FALEC: variants seen among roughly 807,000 people sequenced by gnomAD.
FALEC encodes the protein focally amplified lncRNA on chromosome 1.
the FALEC span, among the ~76,000 whole-genome samples, chr1:150,527,566 T>TGAAAAACTC: frequency 6.6e-6 from 1 of 152,120 alleles, no homozygotes; most frequent in Non-Finnish European, 1.5e-5. Context: ...GCCAAAAACT[T>TGAAAAACTC]AAAAGCTTGA....
the FALEC span, among the ~76,000 whole-genome samples, chr1:150,526,349 CAAAA>C: frequency 3.2e-5 from 2 of 61,824 alleles, no homozygotes; most frequent in East Asian, 5.2e-4. Flanking sequence ...AACTCCGTCT[CAAAA>C]AAAAAAAAAA....
At chr1:150,534,331 T>A in the FALEC span, among the ~76,000 whole-genome samples, 4 of 152,150 alleles carry the variant, frequency 2.6e-5, no homozygotes, top group Non-Finnish European at 1.5e-5. Context: ...GCCGCTGTCG[T>A]CCTCTGAGCA....
the FALEC span, among the ~76,000 whole-genome samples, chr1:150,531,432 G>A: frequency 5.9e-5 from 9 of 151,898 alleles, no homozygotes; most frequent in East Asian, 1.5e-3. Context: ...CCGGGATCTC[G>A]CCACTGCACT....
At chr1:150,528,457 G>A in the FALEC span, among the ~76,000 whole-genome samples, 2 of 152,198 alleles carry the variant, frequency 1.3e-5, no homozygotes, top group Non-Finnish European at 2.9e-5. Context: ...TGTCATCCCT[G>A]AAGTCTCAGC....
chr1:150,520,164 TAAAC>T (rs1480107056), downstream of FALEC, among the ~76,000 whole-genome samples: 6 of 152,064 alleles, frequency 3.9e-5, no homozygotes, highest in Non-Finnish European at 7.4e-5. Context: ...AATAAATAAA[TAAAC>T]AAATGTATGA....
chr1:150,535,137 G>A, the FALEC span, among the ~76,000 whole-genome samples: 1 of 152,202 alleles, frequency 6.6e-6, no homozygotes, highest in Non-Finnish European at 1.5e-5. Context: ...TGGGACTGTT[G>A]CATAGCTTCC....
chr1:150,524,762 C>G, the FALEC span, among the ~76,000 whole-genome samples: 2 of 152,080 alleles, frequency 1.3e-5, no homozygotes, highest in African/African-American at 2.4e-5. Context: ...GCCTGTAATC[C>G]CAGCTCTTTG....
chr1:150,520,803 T>TTTTTTTTTTTTTTTG (rs1271749872), downstream of FALEC, among the ~76,000 whole-genome samples: 1 of 137,504 alleles, frequency 7.3e-6, no homozygotes, highest in African/African-American at 2.8e-5. Context: ...TTTTTTTTTT[T>TTTTTTTTTTTTTTTG]TTTTTTTGAG....
At chr1:150,529,912 G>C in the FALEC span, among the ~76,000 whole-genome samples, 1 of 151,996 alleles carries the variant, frequency 6.6e-6, no homozygotes, top group African/African-American at 2.4e-5. Flanking sequence ...ATTTCTTAAA[G>C]TATGCAAAAT....
intron 1 of FALEC, among the ~76,000 whole-genome samples, chr1:150,516,220 C>G (rs1445985700): frequency 2.6e-5 from 4 of 151,562 alleles, no homozygotes; most frequent in Non-Finnish European, 5.9e-5. Context: ...CGCACTCCAG[C>G]CTGGGCGAGA....
chr1:150,526,073 T>G, the FALEC span, among the ~76,000 whole-genome samples: 1 of 152,132 alleles, frequency 6.6e-6, no homozygotes, highest in Admixed American at 6.5e-5. Context: ...TTTAAAAAGT[T>G]TTTTTTTGGG....
chr1:150,527,612 G>T, the FALEC span, among the ~76,000 whole-genome samples: 1 of 152,164 alleles, frequency 6.6e-6, no homozygotes, highest in East Asian at 1.9e-4. Flanking sequence ...GCTGGGCATG[G>T]TGGCTGGTCT....
At chr1:150,520,719 T>C (rs1201940723), downstream of FALEC, among the ~76,000 whole-genome samples, 1 of 152,066 alleles carries the variant, frequency 6.6e-6, no homozygotes, top group Non-Finnish European at 1.5e-5. Flanking sequence ...TGTCTGACTT[T>C]TTAAATATGC....
At chr1:150,516,091 A>C (rs1670565720) in intron 1 of FALEC, 2 of 147,286 alleles carry the variant, frequency 1.4e-5, no homozygotes, top group South Asian at 4.2e-4. Context: ...TAAAAATACA[A>C]AAAAAAAAAA....
downstream of FALEC, among the ~76,000 whole-genome samples, chr1:150,520,783 C>CTTTTTTTTTTTTT (rs71086518): frequency 7.0e-4 from 30 of 42,824 alleles, 3 homozygotes; most frequent in African/African-American, 1.5e-3. Context: ...CTTTTCTTTT[C>CTTTTTTTTTTTTT]TTTTTTTTTT....
At chr1:150,528,236 C>T in the FALEC span, among the ~76,000 whole-genome samples, 3 of 152,066 alleles carry the variant, frequency 2.0e-5, no homozygotes, top group African/African-American at 7.3e-5. Flanking sequence ...ATAAGGAAGG[C>T]ACAGTTGATT....
downstream of FALEC, among the ~76,000 whole-genome samples, chr1:150,520,796 T>TTTTTTTTTTTTTTTTTTTTTTG (rs1226131628): frequency 7.3e-6 from 1 of 136,080 alleles, no homozygotes; most frequent in Non-Finnish European, 1.6e-5. Context: ...TTTTTTTTTT[T>TTTTTTTTTTTTTTTTTTTTTTG]TTTTTTTTTT....
the FALEC span, among the ~76,000 whole-genome samples, chr1:150,532,077 T>G: frequency 2.0e-5 from 3 of 152,266 alleles, no homozygotes; most frequent in East Asian, 5.8e-4. Flanking sequence ...CAGCTAATTT[T>G]TTTGTATTTT....
At chr1:150,521,912 T>C (rs765389911), downstream of FALEC, among the ~76,000 whole-genome samples, 9 of 152,168 alleles carry the variant, frequency 5.9e-5, no homozygotes, top group Middle Eastern at 3.2e-3. Context: ...ACACAAATTG[T>C]AGGAACAGTA....
Sources: gnomAD v4.1 joint callset for allele counts (sites outside exome capture counted in the v4.1 genomes callset) on GRCh38, gnomAD v4.1.1 for gene constraint, MANE v1.5 for transcripts, NCBI Gene and HGNC (gene_info 2026-07-23, HGNC 2026-07-21) for gene names.